COMMD1: variants seen among roughly 807,000 people sequenced by gnomAD.
COMMD1 encodes the protein COMM domain-containing protein 1.
COMMD1 carries 10 observed loss-of-function variants against 17.2 expected under a neutral mutation model. The ratio of observed to expected loss-of-function variants is 0.58; its 90% CI spans 0.36 to 0.99. The LOEUF (loss-of-function observed/expected upper bound fraction) is 0.99. Among genes scored for constraint, COMMD1 ranks in the 50% least tolerant of loss-of-function variants. COMMD1 has a pLI of 0.01. For synonymous variants in COMMD1, 97 were observed against 91.6 expected (o/e 1.06, Z -0.34); for missense variants, 270 against 231.8 (o/e 1.17, Z -1.07).
intron 1 of COMMD1, among the ~76,000 whole-genome samples, chr2:61,929,280 G>C (rs1232019780): frequency 1.3e-5 from 2 of 152,202 alleles, no homozygotes; most frequent in African/African-American, 4.8e-5. Flanking sequence ...CTTGGAAACT[G>C]TTCTTATCTC....
At chr2:61,895,889 A>T (rs1183128873) in intron 1 of COMMD1, among the ~76,000 whole-genome samples, 1 of 152,176 alleles carries the variant, frequency 6.6e-6, no homozygotes, top group African/African-American at 2.4e-5. Context: ...TCCTAGGGGC[A>T]GTCCAGTCCA....
At chr2:61,910,170 TTTATTTA>T (rs1392811594) in intron 1 of COMMD1, among the ~76,000 whole-genome samples, 1 of 152,120 alleles carries the variant, frequency 6.6e-6, no homozygotes, top group Non-Finnish European at 1.5e-5. Context: ...GAATGGTGTG[TTTATTTA>T]AGGAGATAAC....
intron 2 of COMMD1, among the ~76,000 whole-genome samples, chr2:62,029,967 G>A (rs1004923035): frequency 2.0e-5 from 3 of 152,266 alleles, no homozygotes; most frequent in African/African-American, 7.2e-5. Flanking sequence ...AAGATCCAAA[G>A]ATATAGGGAA....
chr2:62,004,417 C>G (rs887789799), intron 2 of COMMD1, among the ~76,000 whole-genome samples: 14 of 152,108 alleles, frequency 9.2e-5, no homozygotes, highest in African/African-American at 3.4e-4. Context: ...TCTCTTGCCT[C>G]AGCCTCCCCG....
At chr2:62,038,589 C>T (rs969213692) in intron 2 of COMMD1, among the ~76,000 whole-genome samples, 1 of 151,116 alleles carries the variant, frequency 6.6e-6, no homozygotes, top group African/African-American at 2.4e-5. Flanking sequence ...GCTCTGTTGC[C>T]CAGGCTGGAG....
intron 2 of COMMD1, among the ~76,000 whole-genome samples, chr2:62,003,605 TACACACACACACAC>T (rs57628894): frequency 6.2e-5 from 9 of 146,162 alleles, no homozygotes; most frequent in African/African-American, 1.0e-4. Context: ...CAGATATTTT[TACACACACACACAC>T]ACACACACAC....
chr2:62,116,394 G>A (rs1389274195), intron 2 of COMMD1, among the ~76,000 whole-genome samples: 3 of 152,150 alleles, frequency 2.0e-5, no homozygotes, highest in Non-Finnish European at 4.4e-5. Context: ...TTTCTTGGCC[G>A]GTTGTGGTGG....
intron 2 of COMMD1, among the ~76,000 whole-genome samples, chr2:62,135,081 G>C (rs1210756144): frequency 6.6e-6 from 1 of 152,202 alleles, no homozygotes; most frequent in Non-Finnish European, 1.5e-5. Context: ...CCAAGGTGCT[G>C]TGGAGACAGT....
chr2:62,028,484 GAT>G (rs1669828276), intron 2 of COMMD1, among the ~76,000 whole-genome samples: 1 of 152,114 alleles, frequency 6.6e-6, no homozygotes, highest in Non-Finnish European at 1.5e-5. Context: ...TCTAACTGAA[GAT>G]TTTGACAAAA....
chr2:62,115,770 G>T (rs2060631), intron 2 of COMMD1, among the ~76,000 whole-genome samples: 59,728 of 150,984 alleles, frequency 0.4, 12,569 homozygotes, highest in African/African-American at 0.55. Context: ...TGTAAACAAT[G>T]GAACAATTGG....
At chr2:61,937,343 C>T (rs1465276242) in intron 1 of COMMD1, among the ~76,000 whole-genome samples, 20 of 152,118 alleles carry the variant, frequency 1.3e-4, no homozygotes, top group Admixed American at 1.2e-3. Flanking sequence ...TCGAATTTTC[C>T]CCCTTTTGTC....
At chr2:61,937,848 A>C (rs954744113) in intron 1 of COMMD1, among the ~76,000 whole-genome samples, 11 of 151,410 alleles carry the variant, frequency 7.3e-5, no homozygotes, top group African/African-American at 2.5e-4. Flanking sequence ...TATTCCTGTC[A>C]GTAATTATTT....
chr2:62,067,169 G>A (rs1671076493), intron 2 of COMMD1, among the ~76,000 whole-genome samples: 1 of 151,576 alleles, frequency 6.6e-6, no homozygotes, highest in Non-Finnish European at 1.5e-5. Flanking sequence ...AGGTTGCGGT[G>A]AGCAGAGATG....
At chr2:62,069,724 A>G (rs1270786426) in intron 2 of COMMD1, 1 of 152,186 alleles carries the variant, frequency 6.6e-6, no homozygotes, top group Middle Eastern at 3.2e-3. Context: ...TTGCTTGAAG[A>G]GAGAGATCAT....
At chr2:61,947,213 A>AC (rs1219619123) in intron 1 of COMMD1, among the ~76,000 whole-genome samples, 1 of 152,172 alleles carries the variant, frequency 6.6e-6, no homozygotes, top group Non-Finnish European at 1.5e-5. Flanking sequence ...TATAATTTAA[A>AC]CTTATGTTTA....
chr2:62,020,711 CTT>C (rs1434456471), intron 2 of COMMD1, among the ~76,000 whole-genome samples: 5 of 152,270 alleles, frequency 3.3e-5, no homozygotes, highest in African/African-American at 1.2e-4. Context: ...AAACTCTCCT[CTT>C]TGATGGTTGG....
At chr2:62,134,252 T>G (rs1673124944) in intron 2 of COMMD1, among the ~76,000 whole-genome samples, 1 of 152,220 alleles carries the variant, frequency 6.6e-6, no homozygotes. Flanking sequence ...ATTCTGATAC[T>G]TTTCAGTAGT....
At chr2:62,108,058 C>T (rs981852308) in intron 2 of COMMD1, among the ~76,000 whole-genome samples, 1 of 152,140 alleles carries the variant, frequency 6.6e-6, no homozygotes, top group Non-Finnish European at 1.5e-5. Context: ...TTTTGCATAT[C>T]ATGTTTGCCC....
chr2:62,049,064 A>T (rs1670464764), intron 2 of COMMD1, among the ~76,000 whole-genome samples: 1 of 152,220 alleles, frequency 6.6e-6, no homozygotes, highest in Non-Finnish European at 1.5e-5. Flanking sequence ...AAGAAATCAC[A>T]TTACATGCAA....
Sources: allele counts gnomAD v4.1 joint callset (sites outside exome capture counted in the v4.1 genomes callset), GRCh38; gene constraint gnomAD v4.1.1; transcripts MANE v1.5; gene names NCBI Gene and HGNC (gene_info 2026-07-23, HGNC 2026-07-21).